The following TRPM3 variants were observed in gnomAD, a reference collection of about 807,000 sequenced individuals.
TRPM3 encodes the protein transient receptor potential cation channel subfamily M member 3.
Under a neutral mutation model 181.2 loss-of-function variants are expected in TRPM3, and 77 were observed. That is an observed-to-expected ratio of 0.42 (90% CI 0.35 to 0.51). The LOEUF (loss-of-function observed/expected upper bound fraction) is 0.51, where lower values mean the gene tolerates loss of function less well. TRPM3 is among the 20% of genes least tolerant of loss of function. The pLI, the probability that TRPM3 is intolerant of heterozygous loss-of-function variation, is 0.01. For missense variants in TRPM3, 1,759 were observed against 2,196.7 expected, an observed-to-expected ratio of 0.80 and a Z score of 3.98; for synonymous variants, 745 against 796.4, an observed-to-expected ratio of 0.94 and a Z score of 1.09.
At chr9:70,686,978 GCC>G (rs907270235) in intron 8 of TRPM3, among the ~76,000 whole-genome samples, 4 of 151,586 alleles carry the variant, frequency 2.6e-5, no homozygotes, top group African/African-American at 9.7e-5. Flanking sequence ...ACACCACCAT[GCC>G]CGGCTAATTT....
intron 3 of TRPM3, among the ~76,000 whole-genome samples, chr9:70,855,649 A>G (rs2095367269): frequency 6.6e-6 from 1 of 152,208 alleles, no homozygotes; most frequent in East Asian, 1.9e-4. Context: ...CCTCTAGTGG[A>G]AAATCTGCCC....
At chr9:70,758,085 C>A (rs1274936618) in intron 8 of TRPM3, among the ~76,000 whole-genome samples, 1 of 152,120 alleles carries the variant, frequency 6.6e-6, no homozygotes, top group Non-Finnish European at 1.5e-5. Context: ...AAAACCCCAT[C>A]GTCTCAGCCC....
chr9:71,402,357 G>A (rs552759026), intron 1 of TRPM3, among the ~76,000 whole-genome samples: 9 of 152,206 alleles, frequency 5.9e-5, no homozygotes, highest in South Asian at 4.2e-4. Flanking sequence ...TTTCTATCAC[G>A]TGGTTTGCCA....
At chr9:71,188,722 C>G (rs2077833085) in intron 1 of TRPM3, among the ~76,000 whole-genome samples, 1 of 151,874 alleles carries the variant, frequency 6.6e-6, no homozygotes, top group Non-Finnish European at 1.5e-5. Context: ...AGTCACTATG[C>G]TTTCTTACCT....
At position 71,044,522 on chromosome 9, in the gene TRPM3, T is replaced by C. The variant is rs76044563; in HGVS notation, c.177+76656A>G. 6.2e-3 allele frequency among the ~76,000 whole-genome samples: 942 copies of C among 152,352 alleles called. 9 individuals are homozygous for C. Among genetic ancestry groups the C allele is most frequent in the African/African-American group, 0.021 (871 of 41,588 alleles). On this transcript the variant is annotated intron_variant, in intron 1 of 25. Coordinates refer to ENST00000677713, the MANE Select transcript of TRPM3 (RefSeq NM_001366145.2). ...AGTTATTTCTACTAAGTTAATATTC[T>C]GAGTATTAATACGATGTTTTTATTG...
intron 4 of TRPM3, among the ~76,000 whole-genome samples, chr9:70,844,351 A>C (rs1000242855): frequency 1.3e-5 from 2 of 152,210 alleles, no homozygotes; most frequent in African/African-American, 4.8e-5. Context: ...AATCATGTTG[A>C]GCTATTCAAC....
At chr9:71,398,377 T>G (rs541300972) in intron 1 of TRPM3, among the ~76,000 whole-genome samples, 1 of 152,318 alleles carries the variant, frequency 6.6e-6, no homozygotes, top group Non-Finnish European at 1.5e-5. Flanking sequence ...CTGTGTGTAC[T>G]TTGAATCTAT....
intron 1 of TRPM3, among the ~76,000 whole-genome samples, chr9:71,434,909 G>C (rs369735027): frequency 4.6e-5 from 7 of 151,922 alleles, no homozygotes; most frequent in East Asian, 1.9e-4. Context: ...AGGAAAAAAT[G>C]GTAACAGCTC....
chr9:70,632,773 C>A (rs2066114745), intron 12 of TRPM3, among the ~76,000 whole-genome samples: 1 of 152,062 alleles, frequency 6.6e-6, no homozygotes, highest in Admixed American at 6.5e-5. Flanking sequence ...TCTTACCATC[C>A]TGTTCTTTCT....
At chr9:71,155,753 A>G (rs567873584) in intron 1 of TRPM3, among the ~76,000 whole-genome samples, 11 of 152,246 alleles carry the variant, frequency 7.2e-5, no homozygotes, top group Non-Finnish European at 1.3e-4. Flanking sequence ...ACAATACACA[A>G]GTAAAATAAC....
At chr9:70,841,694 C>T (rs1056534581) in intron 5 of TRPM3, among the ~76,000 whole-genome samples, 1 of 136,352 alleles carries the variant, frequency 7.3e-6, no homozygotes, top group African/African-American at 2.8e-5. Context: ...AGATATATCC[C>T]ACCATATACA....
At chr9:70,673,841 C>T (rs781224613) in intron 9 of TRPM3, among the ~76,000 whole-genome samples, 6 of 149,702 alleles carry the variant, frequency 4.0e-5, no homozygotes, top group Non-Finnish European at 8.9e-5. Context: ...TCCAGCTACT[C>T]GGGAGGCTGA....
intron 1 of TRPM3, among the ~76,000 whole-genome samples, chr9:71,409,675 C>A (rs1324146335): frequency 1.3e-5 from 2 of 152,110 alleles, no homozygotes; most frequent in African/African-American, 2.4e-5. Flanking sequence ...TTTAACAACC[C>A]ACTGTCAACA....
chr9:71,109,809 AT>A (rs1365712369), intron 1 of TRPM3, among the ~76,000 whole-genome samples: 3 of 152,262 alleles, frequency 2.0e-5, no homozygotes, highest in Non-Finnish European at 4.4e-5. Context: ...GGCTTAACCT[AT>A]TTGGGCCAGA....
intron 1 of TRPM3, among the ~76,000 whole-genome samples, chr9:71,401,809 GC>G (rs143658148): frequency 0.017 from 2,554 of 152,256 alleles, 73 homozygotes; most frequent in African/African-American, 0.057. Context: ...AGATTTCTAA[GC>G]CTATGTCAAA....
intron 1 of TRPM3, among the ~76,000 whole-genome samples, chr9:70,901,270 C>G (rs1589649639): frequency 6.6e-6 from 1 of 152,132 alleles, no homozygotes; most frequent in Non-Finnish European, 1.5e-5. Context: ...TCCTTGGACA[C>G]AAGTAGATTA....
chr9:70,681,628 G>T, intron 8 of TRPM3, 50 bp from the exon 9 acceptor site: 3 of 1,509,382 alleles, frequency 2.0e-6, no homozygotes, highest in South Asian at 1.1e-5. Context: ...TCCCCCAAGA[G>T]AAATTAAATC....
chr9:71,118,514 A>T (rs2072922797), intron 1 of TRPM3, among the ~76,000 whole-genome samples: 2 of 152,302 alleles, frequency 1.3e-5, no homozygotes, highest in Admixed American at 1.3e-4. Flanking sequence ...TTTCAAGGAA[A>T]AGGATAGAAA....
intron 1 of TRPM3, among the ~76,000 whole-genome samples, chr9:71,326,981 C>T (rs1189830260): frequency 2.0e-5 from 3 of 152,132 alleles, no homozygotes; most frequent in South Asian, 2.1e-4. Context: ...ACATCAGGAC[C>T]GTGTCTCTAG....
Sources: gnomAD v4.1 joint callset for allele counts (sites outside exome capture counted in the v4.1 genomes callset) on GRCh38, gnomAD v4.1.1 for gene constraint, MANE v1.5 for transcripts, NCBI Gene and HGNC (gene_info 2026-07-23, HGNC 2026-07-21) for gene names.